RAP1B: variants seen among roughly 807,000 people sequenced by gnomAD.
The protein encoded by RAP1B is ras-related protein Rap-1b.
Under a neutral mutation model 27.5 loss-of-function variants are expected in RAP1B, and 1 was observed. The observed-to-expected ratio is 0.04, with a 90% CI of 0.01 to 0.17. The LOEUF (loss-of-function observed/expected upper bound fraction) is 0.17, where lower values mean the gene tolerates loss of function less well. Ranked by LOEUF, RAP1B falls within the 10% of genes least tolerant of loss-of-function variation. The probability of loss-of-function intolerance (pLI) is 1.00; values close to 1 mark genes in which losing one functional copy is unlikely to be tolerated. For synonymous variants in RAP1B, 75 were observed against 73.1 expected, an observed-to-expected ratio of 1.03 and a Z score of -0.13; for missense variants, 84 against 214.8, an observed-to-expected ratio of 0.39 and a Z score of 3.81.
chr12:68,631,690 G>C lies in RAP1B; in HGVS notation c.-26-17009G>C, dbSNP rs997489059. ...TCTTATCCCTGGTATGTTCTTTCCT[G>C]TTGAAATATTGTAACTTTTTTTTTT... On this transcript the variant is annotated intron_variant, in intron 1 of 7. Coordinates refer to ENST00000250559, the MANE Select transcript of RAP1B (RefSeq NM_001010942.3). Among the ~76,000 whole-genome samples, 45 of 151,766 alleles carry C rather than the reference G, an allele frequency of 3.0e-4. 3 individuals carry two copies. The highest frequency in any genetic ancestry group is 2.9e-5 in the Non-Finnish European group (2 of 67,970).
At chr12:68,648,319 G>C (rs1347762134) in intron 1 of RAP1B, among the ~76,000 whole-genome samples, 1 of 152,064 alleles carries the variant, frequency 6.6e-6, no homozygotes, top group Non-Finnish European at 1.5e-5. Context: ...TGTATGCCAG[G>C]GCTTGGCCAG....
rs946389689 is a variant in RAP1B, at chr12:68,647,520, C to T, written c.-26-1179C>T. Among the ~76,000 whole-genome samples the T allele has an allele frequency of 6.1e-4, 92 of 151,070 alleles. 1 individual carries two copies. Among genetic ancestry groups the T allele is most frequent in the Non-Finnish European group, 1.2e-4 (8 of 67,732 alleles). ...ACAGACATGAGCCACCACATCTGGCCGAGTTCTTGATTACCTAAGCTATCC... is the reference window on the plus strand; with the variant it reads ...ACAGACATGAGCCACCACATCTGGCTGAGTTCTTGATTACCTAAGCTATCC... On this transcript the variant is annotated intron_variant, in intron 1 of 7. Transcript: ENST00000250559.
chr12:68,638,813 A>G (rs1305833352), intron 1 of RAP1B, among the ~76,000 whole-genome samples: 1 of 151,948 alleles, frequency 6.6e-6, no homozygotes, highest in Admixed American at 6.6e-5. Context: ...GGCATGCACC[A>G]CCAAACCCGA....
At chr12:68,657,787 CGT>C (rs1273433502) in intron 7 of RAP1B, 20 of 157,714 alleles carry the variant, frequency 1.3e-4, no homozygotes, top group South Asian at 7.6e-4. Flanking sequence ...CGCGCGTGCG[CGT>C]GAGCCACCGC....
chr12:68,657,390 G>C lies in RAP1B; in HGVS notation c.*30+173G>C, dbSNP rs1393583864. The C allele has an allele frequency of 2.8e-5, 13 of 460,172 alleles. No homozygotes were observed. The Admixed American group carries it at 4.6e-4, about 16-fold the overall frequency. 28.5% of individuals were successfully genotyped at this position (460,172 alleles called of 1,614,324 possible). ...TTATTAATTATTTACTTATCATCAT[G>C]AGTAAAGTATTTCACATAAGTATTC... On this transcript the variant is annotated intron_variant, in intron 7 of 7. Coordinates refer to ENST00000250559, the MANE Select transcript of RAP1B (RefSeq NM_001010942.3).
At chr12:68,632,652 T>G (rs1424640787) in intron 1 of RAP1B, among the ~76,000 whole-genome samples, 2 of 151,256 alleles carry the variant, frequency 1.3e-5, no homozygotes, top group Admixed American at 6.6e-5. Flanking sequence ...GTAGACACAG[T>G]TTTTTTTTAG....
At chr12:68,636,176 C>CGTCA (rs1242128822) in intron 1 of RAP1B, among the ~76,000 whole-genome samples, 1 of 152,140 alleles carries the variant, frequency 6.6e-6, no homozygotes, top group Non-Finnish European at 1.5e-5. Flanking sequence ...TGAGCCATGA[C>CGTCA]AGTCAGCTAT....
intron 1 of RAP1B, among the ~76,000 whole-genome samples, chr12:68,638,456 C>G (rs1181341607): frequency 1.3e-5 from 2 of 152,082 alleles, no homozygotes; most frequent in African/African-American, 4.8e-5. Flanking sequence ...AATGGATTTT[C>G]CCAGTTGTGC....
rs1052695915 is a variant in RAP1B at position 68,666,264 on chromosome 12, G to A, written c.*7015G>A. 5.9e-5 allele frequency: 9 copies of A among 152,126 alleles called. No individual in the cohort carries two copies. The highest frequency in any genetic ancestry group is 2.2e-4 in the African/African-American group (9 of 41,424). 9.4% of individuals were successfully genotyped at this position (152,126 alleles called of 1,614,324 possible). ...TTTTGGTGCTTTACCCAAAATATTA[G>A]GGAGAAAATTCTTCTTTTTAATTGG... On this transcript the variant is annotated 3_prime_UTR_variant, in exon 8 of 8. Coordinates refer to ENST00000250559, the MANE Select transcript of RAP1B (RefSeq NM_001010942.3).
intron 1 of RAP1B, among the ~76,000 whole-genome samples, chr12:68,619,624 A>T (rs1441675358): frequency 6.6e-6 from 1 of 152,204 alleles, no homozygotes; most frequent in East Asian, 1.9e-4. Context: ...ATGCTATTAA[A>T]ATATTCCCAA....
intron 7 of RAP1B, 21 bp from the exon 8 acceptor site, chr12:68,659,259 T>G (rs1232927599): frequency 2.2e-6 from 1 of 456,792 alleles, no homozygotes; most frequent in Non-Finnish European, 4.4e-6. Context: ...TGTTTTTAAT[T>G]AATTTTTTTC....
At position 68,629,757 on chromosome 12, in the gene RAP1B, A is replaced by G. The variant is rs145949552; in HGVS notation, c.-27+18714A>G. On this transcript the variant is annotated intron_variant, in intron 1 of 7. Transcript: ENST00000250559. ...CCTGTCACATAGAGGTATTGAATGA[A>G]TGTTATAAATATGATAGCTATCTAT... 3.0e-3 allele frequency among the ~76,000 whole-genome samples: 456 copies of G among 152,286 alleles called. 3 individuals carry two copies. The highest frequency in any genetic ancestry group is 0.01 in the African/African-American group (425 of 41,554).
Position 68,660,524 on chromosome 12 carries a change from T to G in RAP1B, c.*1275T>G, listed in dbSNP as rs145482470. ...GCCATGCAAGGGCTTGCATTATAAT[T>G]ACTTGCCACTTGAATGTGTTTTGTG... On this transcript the variant is annotated 3_prime_UTR_variant, in exon 8 of 8. Coordinates refer to ENST00000250559, the MANE Select transcript of RAP1B (RefSeq NM_001010942.3). The G allele has an allele frequency of 2.0e-5, 3 of 152,782 alleles. No individual in the cohort carries two copies. The highest frequency in any genetic ancestry group is 4.4e-5 in the Non-Finnish European group (3 of 68,028). The allele number at this position is 152,782 out of a possible 1,614,324, so 9.5% of individuals were successfully genotyped here. A position where few individuals can be genotyped will look rare whatever the true frequency, so the allele number is the denominator to read the frequency against.
At chr12:68,654,932 T>G (rs1483234501) in intron 5 of RAP1B, among the ~76,000 whole-genome samples, 2 of 152,168 alleles carry the variant, frequency 1.3e-5, no homozygotes, top group Non-Finnish European at 2.9e-5. Flanking sequence ...TCTCAGAGCT[T>G]CTGATTCAGT....
At position 68,662,350 on chromosome 12, in the gene RAP1B, C is replaced by T. The variant is rs371730403; in HGVS notation, c.*3101C>T. ...GAAAATCAGAGTGGTCTTTCACTTA[C>T]ATTTTTCTAAAAAGTGTAAAAACCC... On this transcript the variant is annotated 3_prime_UTR_variant, in exon 8 of 8. Transcript: ENST00000250559. 6.6e-6 allele frequency: 1 copy of T among 152,004 alleles called. No homozygotes were observed. Among genetic ancestry groups the T allele is most frequent in the Admixed American group, 6.6e-5 (1 of 15,258 alleles). 9.4% of individuals were successfully genotyped at this position (152,004 alleles called of 1,614,324 possible).
chr12:68,654,028 G>A lies in RAP1B; in HGVS notation c.184-84G>A. The A allele has an allele frequency of 8.8e-7, 1 of 1,131,038 alleles. No homozygotes were observed. The highest frequency in any genetic ancestry group is 1.3e-6 in the Non-Finnish European group (1 of 776,188). 70.1% of individuals were successfully genotyped at this position (1,131,038 alleles called of 1,614,324 possible). On this transcript the variant is annotated intron_variant, in intron 4 of 7. Transcript: ENST00000250559. ...ACATAATACTACAGTATTCTTCATTGAGCTATAATTATAGACTGTGAAAAT... is the reference window on the plus strand; with the variant it reads ...ACATAATACTACAGTATTCTTCATTAAGCTATAATTATAGACTGTGAAAAT...
At chr12:68,656,598 T>A in intron 6 of RAP1B, 149 bp downstream of exon 6, 1 of 716,930 alleles carries the variant, frequency 1.4e-6, no homozygotes, top group Non-Finnish European at 2.3e-6. Flanking sequence ...TAAATGTATC[T>A]ATGTAGTAAA....
intron 1 of RAP1B, among the ~76,000 whole-genome samples, chr12:68,615,700 T>C (rs1056019078): frequency 1.3e-5 from 2 of 152,218 alleles, no homozygotes; most frequent in Non-Finnish European, 2.9e-5. Context: ...CTTGTGAGTT[T>C]GAGTTTTATA....
At chr12:68,630,742 G>GTC (rs1279322151) in intron 1 of RAP1B, among the ~76,000 whole-genome samples, 1 of 151,866 alleles carries the variant, frequency 6.6e-6, no homozygotes, top group Non-Finnish European at 1.5e-5. Context: ...AAGTGGCGCT[G>GTC]TCACAGCTCA....
Sources: allele counts gnomAD v4.1 joint callset (sites outside exome capture counted in the v4.1 genomes callset), GRCh38; gene constraint gnomAD v4.1.1; transcripts MANE v1.5; gene names NCBI Gene and HGNC (gene_info 2026-07-23, HGNC 2026-07-21).